Variants in SPAG16 observed in about 807,000 individuals in gnomAD.
SPAG16 encodes the protein sperm-associated antigen 16 protein.
In SPAG16, 86 loss-of-function variants were observed where a neutral mutation model predicts 80.4. That is an observed-to-expected ratio of 1.07 (90% CI 0.90 to 1.28). SPAG16 has a LOEUF of 1.28. Ranked by LOEUF, SPAG16 falls within the 50% of genes most tolerant of loss-of-function variation. SPAG16 has a pLI of 0.00. For synonymous variants in SPAG16, 294 were observed against 265.9 expected (o/e 1.11, Z -1.03); for missense variants, 870 against 765.3 (o/e 1.14, Z -1.61).
At chr2:213,333,239 G>A (rs2064187836) in intron 5 of SPAG16, among the ~76,000 whole-genome samples, 1 of 151,928 alleles carries the variant, frequency 6.6e-6, no homozygotes, top group African/African-American at 2.4e-5. Flanking sequence ...AAAGAAATTA[G>A]AAAGTAATCC....
intron 11 of SPAG16, among the ~76,000 whole-genome samples, chr2:213,918,628 CTGCCATGTAAGACA>C (rs1265826718): frequency 6.6e-5 from 10 of 152,124 alleles, no homozygotes; most frequent in Non-Finnish European, 1.0e-4. Context: ...CTCTTGTCTC[CTGCCATGTAAGACA>C]TGCCTTTTAC....
intron 10 of SPAG16, among the ~76,000 whole-genome samples, chr2:213,536,286 T>C (rs114393129): frequency 0.011 from 1,718 of 152,276 alleles, 26 homozygotes; most frequent in African/African-American, 0.038. Flanking sequence ...TGGGATTTCA[T>C]ATGGATCAAC....
intron 9 of SPAG16, among the ~76,000 whole-genome samples, chr2:213,405,487 A>G (rs1198858336): frequency 6.6e-6 from 1 of 152,194 alleles, no homozygotes; most frequent in Non-Finnish European, 1.5e-5. Context: ...GAACATTCCA[A>G]ATATTCTTTT....
chr2:214,407,745 G>T (rs1335982080), intron 15 of SPAG16, among the ~76,000 whole-genome samples: 2 of 152,014 alleles, frequency 1.3e-5, no homozygotes, highest in African/African-American at 4.8e-5. Context: ...AAACCAATTG[G>T]ATACTAAAGT....
At chr2:213,549,921 A>C (rs1056320576) in intron 10 of SPAG16, among the ~76,000 whole-genome samples, 2 of 152,054 alleles carry the variant, frequency 1.3e-5, no homozygotes, top group Non-Finnish European at 2.9e-5. Context: ...TCTTCATATA[A>C]TTTGTTCATA....
chr2:214,394,926 C>T (rs1434035637), intron 15 of SPAG16, among the ~76,000 whole-genome samples: 1 of 152,166 alleles, frequency 6.6e-6, no homozygotes, highest in Non-Finnish European at 1.5e-5. Context: ...CATAGTTTTG[C>T]CTTATCCAAC....
At chr2:214,294,115 G>C (rs924510533) in intron 15 of SPAG16, among the ~76,000 whole-genome samples, 36 of 152,348 alleles carry the variant, frequency 2.4e-4, no homozygotes, top group African/African-American at 8.2e-4. Flanking sequence ...AGCTGCTCAA[G>C]GCTGAGAAGA....
At chr2:214,376,064 G>T (rs538204861) in intron 15 of SPAG16, among the ~76,000 whole-genome samples, 255 of 151,866 alleles carry the variant, frequency 1.7e-3, no homozygotes, top group Non-Finnish European at 2.8e-3. Context: ...GGTGATTTTT[G>T]CTTTCTTATG....
intron 12 of SPAG16, among the ~76,000 whole-genome samples, chr2:213,989,841 G>A (rs1227724693): frequency 1.3e-5 from 2 of 152,046 alleles, no homozygotes; most frequent in Admixed American, 6.6e-5. Flanking sequence ...AATGGTTAAT[G>A]AGCCCAGAGT....
At chr2:213,295,503 A>T (rs904090753) in intron 1 of SPAG16, among the ~76,000 whole-genome samples, 1 of 152,132 alleles carries the variant, frequency 6.6e-6, no homozygotes, top group African/African-American at 2.4e-5. Flanking sequence ...TAATTTAAAA[A>T]TGGAGATACA....
intron 12 of SPAG16, among the ~76,000 whole-genome samples, chr2:213,946,258 G>A (rs1316952830): frequency 1.3e-5 from 2 of 152,102 alleles, no homozygotes; most frequent in Admixed American, 1.3e-4. Flanking sequence ...GGAACTACTG[G>A]TGCATGCCAC....
intron 9 of SPAG16, among the ~76,000 whole-genome samples, chr2:213,466,120 G>A (rs868245300): frequency 4.6e-5 from 7 of 152,076 alleles, no homozygotes; most frequent in South Asian, 4.2e-4. Flanking sequence ...TGGACTCCAA[G>A]TTCTTCAACT....
intron 11 of SPAG16, among the ~76,000 whole-genome samples, chr2:213,895,353 T>C (rs1278370146): frequency 6.6e-6 from 1 of 152,174 alleles, no homozygotes; most frequent in Non-Finnish European, 1.5e-5. Flanking sequence ...CCCAAAGTGA[T>C]CTACAGATTC....
At chr2:213,326,280 G>A (rs552410951) in intron 5 of SPAG16, among the ~76,000 whole-genome samples, 2 of 152,118 alleles carry the variant, frequency 1.3e-5, no homozygotes, top group East Asian at 3.9e-4. Context: ...AAAAATTAAG[G>A]TGGTTTACTA....
intron 10 of SPAG16, among the ~76,000 whole-genome samples, chr2:213,507,226 G>A (rs2075003099): frequency 6.6e-6 from 1 of 152,126 alleles, no homozygotes; most frequent in Admixed American, 6.5e-5. Flanking sequence ...AGAAAGAAAG[G>A]GAATGATGCT....
At chr2:213,714,861 AG>A (rs964150724) in intron 10 of SPAG16, among the ~76,000 whole-genome samples, 46 of 152,220 alleles carry the variant, frequency 3.0e-4, no homozygotes, top group African/African-American at 1.1e-3. Flanking sequence ...TAAATGATGT[AG>A]TTTTCATTAA....
chr2:213,581,331 C>T (rs959083502), intron 10 of SPAG16, among the ~76,000 whole-genome samples: 12 of 152,166 alleles, frequency 7.9e-5, no homozygotes, highest in Admixed American at 3.9e-4. Flanking sequence ...GATTCTCCAC[C>T]TTAGCCTCCC....
At chr2:214,363,344 A>G (rs1053648739) in intron 15 of SPAG16, among the ~76,000 whole-genome samples, 1 of 151,910 alleles carries the variant, frequency 6.6e-6, no homozygotes. Context: ...GCCCTTCACT[A>G]TTGAAACCTG....
chr2:213,342,982 A>G (rs986388747), intron 6 of SPAG16, among the ~76,000 whole-genome samples: 2 of 152,026 alleles, frequency 1.3e-5, no homozygotes, highest in Non-Finnish European at 2.9e-5. Context: ...TCAGGGCTGC[A>G]GAGGTAGCTG....
Sources: gnomAD v4.1 joint callset for allele counts (sites outside exome capture counted in the v4.1 genomes callset) on GRCh38, gnomAD v4.1.1 for gene constraint, MANE v1.5 for transcripts, NCBI Gene and HGNC (gene_info 2026-07-23, HGNC 2026-07-21) for gene names.